Variants in NECAB1 observed in about 807,000 individuals in gnomAD.
The protein encoded by NECAB1 is N-terminal EF-hand calcium-binding protein 1.
In NECAB1, 29 loss-of-function variants were observed where a neutral mutation model predicts 57.5. That is an observed-to-expected ratio of 0.50 (90% CI 0.38 to 0.69). NECAB1 has a LOEUF of 0.69. Among genes scored for constraint, NECAB1 ranks in the 30% least tolerant of loss-of-function variants. NECAB1 has a pLI of 0.00. For missense variants in NECAB1, 372 were observed against 413.8 expected (o/e 0.90, Z 0.88); for synonymous variants, 142 against 147.7 (o/e 0.96, Z 0.28).
chr8:90,843,821 T>G (rs932113850), intron 3 of NECAB1, among the ~76,000 whole-genome samples: 1 of 152,126 alleles, frequency 6.6e-6, no homozygotes, highest in Admixed American at 6.5e-5. Context: ...AAAGAAAAAA[T>G]CCTTGCTTCT....
At chr8:90,808,058 A>C (rs1015090578) in intron 2 of NECAB1, among the ~76,000 whole-genome samples, 1 of 152,144 alleles carries the variant, frequency 6.6e-6, no homozygotes, top group Non-Finnish European at 1.5e-5. Flanking sequence ...ACACCCATAA[A>C]TGTGTTACTT....
At chr8:90,836,070 T>A (rs1009077751) in intron 3 of NECAB1, among the ~76,000 whole-genome samples, 7 of 152,194 alleles carry the variant, frequency 4.6e-5, no homozygotes, top group Non-Finnish European at 7.4e-5. Context: ...AATAGTTCTC[T>A]ACTCCTGTGA....
At chr8:90,907,178 G>GAGAGAGAGAGAGAGAGAGAGAGAGAGAA (rs1586111999) in intron 5 of NECAB1, among the ~76,000 whole-genome samples, 1 of 147,180 alleles carries the variant, frequency 6.8e-6, no homozygotes, top group East Asian at 2.0e-4. Flanking sequence ...GAGAGAGAGA[G>GAGAGAGAGAGAGAGAGAGAGAGAGAGAA]AGAGAGAGAG....
intron 3 of NECAB1, among the ~76,000 whole-genome samples, chr8:90,833,332 A>G (rs1041793930): frequency 1.3e-5 from 2 of 151,202 alleles, no homozygotes; most frequent in Non-Finnish European, 3.0e-5. Flanking sequence ...ACTTTTTCAT[A>G]TCTTTTTTAT....
At chr8:90,879,193 CTTTT>C (rs769144549) in intron 4 of NECAB1, among the ~76,000 whole-genome samples, 2 of 124,116 alleles carry the variant, frequency 1.6e-5, no homozygotes, top group Non-Finnish European at 3.4e-5. Context: ...TTTTCACTTT[CTTTT>C]TTTTTTTTTT....
intron 2 of NECAB1, among the ~76,000 whole-genome samples, chr8:90,814,344 G>T (rs190905527): frequency 2.3e-3 from 355 of 152,228 alleles, no homozygotes; most frequent in African/African-American, 8.0e-3. Context: ...GGCTGAGGTA[G>T]CATTTGTCAG....
chr8:90,898,693 A>C (rs1312486006), intron 5 of NECAB1, among the ~76,000 whole-genome samples: 1 of 152,208 alleles, frequency 6.6e-6, no homozygotes, highest in Admixed American at 6.5e-5. Flanking sequence ...AGAGACAGCT[A>C]CTATTTATTG....
At chr8:90,907,171 A>T (rs1456287730) in intron 5 of NECAB1, among the ~76,000 whole-genome samples, 1 of 146,060 alleles carries the variant, frequency 6.8e-6, no homozygotes, top group Non-Finnish European at 1.5e-5. Flanking sequence ...AGAGAGAGAG[A>T]GAGAGAGAGA....
At chr8:90,912,937 G>A (rs1809863372) in intron 5 of NECAB1, among the ~76,000 whole-genome samples, 1 of 152,136 alleles carries the variant, frequency 6.6e-6, no homozygotes, top group Admixed American at 6.5e-5. Flanking sequence ...AATGGCGAGA[G>A]CTGCAGGGAG....
intron 5 of NECAB1, among the ~76,000 whole-genome samples, chr8:90,889,317 C>T (rs1421482961): frequency 1.3e-5 from 2 of 152,124 alleles, no homozygotes; most frequent in African/African-American, 2.4e-5. Flanking sequence ...TGTCAGCTAA[C>T]GCCCTCAAGG....
At chr8:90,884,245 C>T (rs1808917310) in intron 5 of NECAB1, among the ~76,000 whole-genome samples, 1 of 152,216 alleles carries the variant, frequency 6.6e-6, no homozygotes, top group African/African-American at 2.4e-5. Context: ...CTGCCTCTCT[C>T]TTACTCTCCT....
At chr8:90,823,625 G>A (rs1812180875) in intron 2 of NECAB1, among the ~76,000 whole-genome samples, 1 of 151,758 alleles carries the variant, frequency 6.6e-6, no homozygotes, top group Non-Finnish European at 1.5e-5. Context: ...ATCTAGAGGA[G>A]CTCTTTCTAT....
At chr8:90,844,945 C>T (rs775952880) in intron 3 of NECAB1, among the ~76,000 whole-genome samples, 17 of 152,208 alleles carry the variant, frequency 1.1e-4, no homozygotes, top group Admixed American at 3.9e-4. Flanking sequence ...TTGGTTTACA[C>T]GATTATGAAG....
At chr8:90,912,694 T>C (rs1809857492) in intron 5 of NECAB1, among the ~76,000 whole-genome samples, 1 of 152,050 alleles carries the variant, frequency 6.6e-6, no homozygotes, top group Non-Finnish European at 1.5e-5. Flanking sequence ...TGTATTTTTA[T>C]AAGGCTTAAA....
At position 90,958,930 on chromosome 8, in the gene NECAB1, C is replaced by T; in HGVS notation, c.*3418C>T. 2.5e-6 allele frequency: 2 copies of T among 791,552 alleles called. No individual in the cohort carries two copies. Among genetic ancestry groups the T allele is most frequent in the Non-Finnish European group, 3.9e-6 (2 of 516,892 alleles). 49.0% of individuals were successfully genotyped at this position (791,552 alleles called of 1,614,324 possible). A position where few individuals can be genotyped will look rare whatever the true frequency, so the allele number is the denominator to read the frequency against. ...AAATTAAGAATAAATTGAATTGTCA[C>T]AGTCCATTACAGTTATTGTTGCTAG... On this transcript the variant is annotated 3_prime_UTR_variant, in exon 13 of 13. Coordinates refer to ENST00000417640, the MANE Select transcript of NECAB1 (RefSeq NM_022351.5).
intron 3 of NECAB1, among the ~76,000 whole-genome samples, chr8:90,827,363 A>G (rs1812242081): frequency 6.6e-6 from 1 of 151,988 alleles, no homozygotes; most frequent in Non-Finnish European, 1.5e-5. Context: ...AGGCTGTGAG[A>G]GTCAGAGTCT....
chr8:90,798,441 T>C (rs1328240066), intron 1 of NECAB1, among the ~76,000 whole-genome samples: 15 of 152,162 alleles, frequency 9.9e-5, no homozygotes, highest in Admixed American at 9.8e-4. Context: ...TCAACTCTTC[T>C]CCCCAACCTC....
At chr8:90,955,340 AT>A (rs1178078423) in intron 12 of NECAB1, 146 bp from the exon 13 acceptor site, 2 of 557,958 alleles carry the variant, frequency 3.6e-6, no homozygotes, top group Non-Finnish European at 6.1e-6. Flanking sequence ...CTTGCCTCAA[AT>A]AGTCAGGAAA....
intron 3 of NECAB1, among the ~76,000 whole-genome samples, chr8:90,864,437 A>T (rs1808470831): frequency 6.6e-6 from 1 of 152,086 alleles, no homozygotes; most frequent in African/African-American, 2.4e-5. Flanking sequence ...AGAAGACTGG[A>T]AATGTATGTC....
Sources: gnomAD v4.1 joint callset for allele counts (sites outside exome capture counted in the v4.1 genomes callset) on GRCh38, gnomAD v4.1.1 for gene constraint, MANE v1.5 for transcripts, NCBI Gene and HGNC (gene_info 2026-07-23, HGNC 2026-07-21) for gene names.